Variants in ZZEF1 observed in about 807,000 individuals in gnomAD.
ZZEF1 encodes zinc finger ZZ-type and EF-hand domain-containing protein 1.
A neutral mutation model predicts 342.8 loss-of-function variants in ZZEF1; 157 were observed. That is an observed-to-expected ratio of 0.46 (90% confidence interval 0.40 to 0.52). ZZEF1 has a LOEUF of 0.52. ZZEF1 is among the 20% of genes least tolerant of loss of function. The probability of loss-of-function intolerance (pLI) is 0.00; values close to 1 mark genes in which losing one functional copy is unlikely to be tolerated. For synonymous variants in ZZEF1, 1,505 were observed against 1,429.1 expected, an observed-to-expected ratio of 1.05 and a Z score of -1.20; for missense variants, 3,480 against 3,725.6, an observed-to-expected ratio of 0.93 and a Z score of 1.72.
In ZZEF1 at chr17:4,034,137, G is replaced by T. The variant is rs768697200; in HGVS notation, c.6462C>A (p.Ala2154=). ...TGGCTGAGAGGACTTTGATCACTGCGGCGTCTACCTCTGCTGGCAAAAGAC... is the reference window on the plus strand; with the variant it reads ...TGGCTGAGAGGACTTTGATCACTGCTGCGTCTACCTCTGCTGGCAAAAGAC... The part of the protein sequence containing the change: ...IIRLLPAEVD[A]AVIKVLSAKH... Residue 2154 remains alanine, a synonymous_variant, in exon 40 of 55, where the codon GCC becomes GCA. Coordinates refer to ENST00000381638, the MANE Select transcript of ZZEF1 (RefSeq NM_015113.4). 6.2e-7 allele frequency: 1 copy of T among 1,614,158 alleles called. No individual in the cohort carries two copies. The highest frequency in any genetic ancestry group is 1.1e-5 in the South Asian group (1 of 91,084).
intron 9 of ZZEF1, among the ~76,000 whole-genome samples, chr17:4,101,637 G>T (rs575116513): frequency 2.3e-3 from 343 of 151,302 alleles, no homozygotes; most frequent in African/African-American, 7.8e-3. Flanking sequence ...GTTTTGTTTT[G>T]TTTTTTTGAA....
In ZZEF1 at chr17:4,008,208, A is replaced by C. The variant is rs375431015; in HGVS notation, c.8805+675T>G. The C allele has an allele frequency of 6.6e-6, 1 of 152,312 alleles. No individual in the cohort carries two copies. Among genetic ancestry groups the C allele is most frequent in the East Asian group, 1.9e-4 (1 of 5,198 alleles). The allele number at this position is 152,312 out of a possible 1,614,324, so 9.4% of individuals were successfully genotyped here. A position where few individuals can be genotyped will look rare whatever the true frequency, so the allele number is the denominator to read the frequency against. ...AGGCCAGACATGAGAGGGGTCTGCAAGGATGGAACACAACAGCGCCACCCT... is the reference window on the plus strand; with the variant it reads ...AGGCCAGACATGAGAGGGGTCTGCACGGATGGAACACAACAGCGCCACCCT... On this transcript the variant is annotated intron_variant, in intron 54 of 54. Coordinates refer to ENST00000381638, the MANE Select transcript of ZZEF1 (RefSeq NM_015113.4). This position sits in a 1 kb window ranked among gnomAD's most constrained non-coding sequence, Gnocchi z 4.2.
chr17:4,079,508 T>C (rs778941191), intron 18 of ZZEF1, among the ~76,000 whole-genome samples: 9 of 152,026 alleles, frequency 5.9e-5, no homozygotes, highest in Non-Finnish European at 1.2e-4. Context: ...TAAGGAAGAC[T>C]CAGAGATGGG....
chr17:4,068,295 T>G (rs188111581), intron 26 of ZZEF1, among the ~76,000 whole-genome samples: 16 of 152,302 alleles, frequency 1.1e-4, no homozygotes, highest in Non-Finnish European at 2.2e-4. Context: ...ACAATTTTTT[T>G]TGAGACAGAG....
chr17:4,038,139 G>C (rs144065872), intron 39 of ZZEF1, among the ~76,000 whole-genome samples: 1,660 of 152,286 alleles, frequency 0.011, 23 homozygotes, highest in African/African-American at 0.038. Context: ...TTTTACATAA[G>C]TTTGTAATTA....
intron 43 of ZZEF1, among the ~76,000 whole-genome samples, chr17:4,023,740 G>A (rs1204550112): frequency 6.6e-6 from 1 of 151,728 alleles, no homozygotes; most frequent in Non-Finnish European, 1.5e-5. Flanking sequence ...GCTGAGGCAA[G>A]AGGACCCCTT....
At chr17:4,125,155 T>A (rs575145728) in intron 1 of ZZEF1, among the ~76,000 whole-genome samples, 36 of 152,202 alleles carry the variant, frequency 2.4e-4, no homozygotes, top group African/African-American at 7.9e-4. Flanking sequence ...AAGACTTACC[T>A]CACTTAGCAA....
intron 37 of ZZEF1, among the ~76,000 whole-genome samples, chr17:4,045,725 A>G (rs2056898913): frequency 6.6e-6 from 1 of 152,204 alleles, no homozygotes; most frequent in Admixed American, 6.5e-5. Flanking sequence ...CACTTGATCA[A>G]ACAAAACCGG....
chr17:4,021,317 A>G lies in ZZEF1; in HGVS notation c.7216T>C (p.Leu2406=). ...KTWLLRDLEI[L]SIMLYSSKKE... ...TTTGAGGAGTACAGCATGATGGACA[A>G]AATCTACACAGAAAGAAAATCCAGC... is the stretch of plus-strand genomic sequence containing the variant. The change falls in exon 45 of 55, where the codon TTG becomes CTG. Residue 2406 remains leucine, a synonymous_variant. Transcript: ENST00000381638. 1 of 1,598,198 alleles carries G rather than the reference A, an allele frequency of 6.3e-7. No individual in the cohort carries two copies. Among genetic ancestry groups the G allele is most frequent in the Non-Finnish European group, 8.5e-7 (1 of 1,170,354 alleles).
intron 1 of ZZEF1, among the ~76,000 whole-genome samples, chr17:4,140,897 C>G (rs548368145): frequency 3.5e-5 from 5 of 143,814 alleles, no homozygotes; most frequent in African/African-American, 1.2e-4. Flanking sequence ...AGATCTTTCA[C>G]TAACTAATAT....
chr17:4,076,034 C>T (rs2057608154), intron 21 of ZZEF1: 1 of 152,122 alleles, frequency 6.6e-6, no homozygotes, highest in African/African-American at 2.4e-5. Context: ...TACATTTTCT[C>T]TTCTAGACTT....
At chr17:4,019,003 A>T (rs2056192305) in intron 46 of ZZEF1, among the ~76,000 whole-genome samples, 1 of 135,470 alleles carries the variant, frequency 7.4e-6, no homozygotes, top group African/African-American at 3.9e-5. Flanking sequence ...TGAGAGAAAA[A>T]CAAATTCTAT....
chr17:4,074,189 GT>G lies in ZZEF1; in HGVS notation c.3645del (p.Arg1216AlafsTer15). ...AGCGCCATGCACTGGGAAGCCAGGC[GT>G]CCCATCAGCCGGGAGACGAGGAGCT... ...DLQLLVSRLMGRLASQCMALK... is the reference protein window; with the variant it reads ...DLQLLVSRLMXRLASQCMALK... On this transcript the variant is annotated frameshift_variant, in exon 24 of 55. Transcript: ENST00000381638. LOFTEE classifies it high-confidence loss of function. 6.2e-7 allele frequency: 1 copy of G among 1,614,024 alleles called. No homozygotes were observed. The highest frequency in any genetic ancestry group is 8.5e-7 in the Non-Finnish European group (1 of 1,179,946).
chr17:4,054,833 G>A (rs149459801), intron 33 of ZZEF1, among the ~76,000 whole-genome samples: 1 of 152,280 alleles, frequency 6.6e-6, no homozygotes, highest in Non-Finnish European at 1.5e-5. Flanking sequence ...TGACCAAAGC[G>A]TTAAAGGAAC....
intron 29 of ZZEF1, among the ~76,000 whole-genome samples, chr17:4,063,781 A>G (rs1334780688): frequency 2.1e-5 from 3 of 146,254 alleles, no homozygotes; most frequent in African/African-American, 7.7e-5. Context: ...AGGTTGGAGT[A>G]CAGTGGCGTG....
rs544630061 is a variant in ZZEF1, at chr17:4,134,073, G to A, written c.354+8469C>T. 2.6e-4 allele frequency among the ~76,000 whole-genome samples: 39 copies of A among 151,792 alleles called. 1 individual carries two copies. The highest frequency in any genetic ancestry group is 1.8e-3 in the Admixed American group (28 of 15,212). On this transcript the variant is annotated intron_variant, in intron 1 of 54. Transcript: ENST00000381638. ...AATGAATATGATAAAAGGGATTTTC[G>A]AATAAAACAAAAACAAATAATTTTG...
chr17:4,084,163 A>T (rs774775450), intron 16 of ZZEF1, among the ~76,000 whole-genome samples: 4 of 152,138 alleles, frequency 2.6e-5, no homozygotes, highest in Non-Finnish European at 4.4e-5. Context: ...TACATTGCTT[A>T]TTGTGGGTTT....
Position 4,050,811 on chromosome 17 carries a change from C to T in ZZEF1, c.5833G>A (p.Asp1945Asn), listed in dbSNP as rs536298942. 6 of 1,613,984 alleles carry T rather than the reference C, an allele frequency of 3.7e-6. No individual in the cohort carries two copies. The Admixed American group carries it at 1.0e-4, about 27-fold the overall frequency. The stretch of plus-strand genomic sequence containing the variant: ...CCCTGATGAGCCTTCATCAGACAGT[C>T]CCCGACGAGCTGCATGCACTGGCTC... ...LRSQCMQLVG[D>N]CLMKAHQGKG... The change falls in exon 36 of 55, where the codon GAC becomes AAC. Residue 1945 changes from aspartate to asparagine, a missense_variant. Physicochemically the swap from Asp to Asn is conservative, Grantham distance 23. This residue lies in a region of ZZEF1 where 1,269 missense variants were observed against 1,342.4 expected (regional missense o/e 0.95). Transcript: ENST00000381638.
chr17:4,129,621 A>C (rs2058632480), intron 1 of ZZEF1, among the ~76,000 whole-genome samples: 1 of 151,786 alleles, frequency 6.6e-6, no homozygotes, highest in Non-Finnish European at 1.5e-5. Context: ...GATGGATCAC[A>C]AGGTCAGGAG....
Sources: allele counts gnomAD v4.1 joint callset (sites outside exome capture counted in the v4.1 genomes callset), GRCh38; gene constraint gnomAD v4.1.1; regional missense constraint gnomAD v4.1.1; non-coding constraint Gnocchi (gnomAD v3.1); transcripts MANE v1.5; gene names NCBI Gene and HGNC (gene_info 2026-07-23, HGNC 2026-07-21).